Variants in PLPP1 observed in about 807,000 individuals in gnomAD.
PLPP1 encodes phospholipid phosphatase 1, also known as lipid phosphate phosphohydrolase 1a.
PLPP1 carries 24 observed loss-of-function variants against 31.2 expected under a neutral mutation model. The observed-to-expected ratio is 0.77, with a 90% CI of 0.56 to 1.08. The LOEUF (loss-of-function observed/expected upper bound fraction) is 1.08. PLPP1 is among the 50% of genes least tolerant of loss of function. PLPP1 has a pLI of 0.00. For missense variants in PLPP1, 319 were observed against 342.7 expected, an observed-to-expected ratio of 0.93 and a Z score of 0.55; for synonymous variants, 146 against 126.3, an observed-to-expected ratio of 1.16 and a Z score of -1.05.
At chr5:55,465,809 A>G (rs1432651314) in intron 3 of PLPP1, among the ~76,000 whole-genome samples, 5 of 152,030 alleles carry the variant, frequency 3.3e-5, no homozygotes, top group African/African-American at 1.2e-4. Context: ...TCCACTGAAC[A>G]CTCTGGAATT....
At chr5:55,453,021 A>C (rs1751925883) in intron 3 of PLPP1, among the ~76,000 whole-genome samples, 1 of 47,776 alleles carries the variant, frequency 2.1e-5, no homozygotes, top group East Asian at 3.9e-4. Flanking sequence ...GTAGGTATTC[A>C]ATGTGGTTTT....
chr5:55,529,893 T>TA (rs760172450), intron 1 of PLPP1, among the ~76,000 whole-genome samples: 4 of 152,210 alleles, frequency 2.6e-5, no homozygotes, highest in Non-Finnish European at 5.9e-5. Context: ...TACAAAAAGA[T>TA]AAAGTACAAC....
At chr5:55,476,943 T>G (rs1422084565) in intron 1 of PLPP1, among the ~76,000 whole-genome samples, 1 of 152,198 alleles carries the variant, frequency 6.6e-6, no homozygotes, top group African/African-American at 2.4e-5. Context: ...TTCTCTGTAT[T>G]AGTCAATTTG....
chr5:55,456,954 G>A (rs1273922157), intron 3 of PLPP1, among the ~76,000 whole-genome samples: 1 of 152,114 alleles, frequency 6.6e-6, no homozygotes, highest in African/African-American at 2.4e-5. Flanking sequence ...GAGGTCAGGA[G>A]TTTGAGACCA....
intron 1 of PLPP1, among the ~76,000 whole-genome samples, chr5:55,501,419 A>C (rs1306020859): frequency 6.6e-6 from 1 of 152,254 alleles, no homozygotes; most frequent in Non-Finnish European, 1.5e-5. Context: ...CCCTACAGCA[A>C]AATAATTACT....
intron 1 of PLPP1, among the ~76,000 whole-genome samples, chr5:55,505,471 G>A (rs1753254138): frequency 6.6e-6 from 1 of 151,312 alleles, no homozygotes; most frequent in Admixed American, 6.6e-5. Flanking sequence ...AATAGCAGAG[G>A]TTTATTTCTT....
chr5:55,484,825 T>C (rs956335145), intron 1 of PLPP1: 1 of 152,182 alleles, frequency 6.6e-6, no homozygotes, highest in African/African-American at 2.4e-5. Context: ...GAACTAGAGA[T>C]CAAGTTCAAT....
intron 1 of PLPP1, among the ~76,000 whole-genome samples, chr5:55,479,386 C>T (rs900519849): frequency 1.3e-5 from 2 of 152,160 alleles, no homozygotes; most frequent in Non-Finnish European, 2.9e-5. Flanking sequence ...ACTATCTAAA[C>T]CTAAATACAG....
intron 1 of PLPP1, among the ~76,000 whole-genome samples, chr5:55,507,423 A>G (rs1753303486): frequency 1.3e-5 from 2 of 152,204 alleles, no homozygotes; most frequent in Non-Finnish European, 2.9e-5. Context: ...TAATCTTGGA[A>G]AGAAAAGAGA....
intron 3 of PLPP1, among the ~76,000 whole-genome samples, chr5:55,464,147 T>C (rs1752231647): frequency 6.6e-6 from 1 of 151,704 alleles, no homozygotes; most frequent in African/African-American, 2.4e-5. Flanking sequence ...ACATGCTATA[T>C]ATAGTCCAGC....
intron 1 of PLPP1, among the ~76,000 whole-genome samples, chr5:55,515,925 A>G (rs1225778051): frequency 6.6e-6 from 1 of 152,070 alleles, no homozygotes; most frequent in African/African-American, 2.4e-5. Context: ...CCATTATCCA[A>G]ACAAGAACTT....
chr5:55,499,005 AG>A (rs1753062443), intron 1 of PLPP1, among the ~76,000 whole-genome samples: 1 of 152,240 alleles, frequency 6.6e-6, no homozygotes, highest in African/African-American at 2.4e-5. Flanking sequence ...CAATGAGAAA[AG>A]AAGTTGAGGC....
intron 1 of PLPP1, among the ~76,000 whole-genome samples, chr5:55,504,263 G>A (rs557625986): frequency 2.6e-5 from 4 of 151,696 alleles, no homozygotes; most frequent in Non-Finnish European, 5.9e-5. Context: ...CAGCAACTTA[G>A]GCTGAGGCAG....
At chr5:55,432,126 T>C (rs1490356140) in intron 4 of PLPP1, among the ~76,000 whole-genome samples, 3 of 145,698 alleles carry the variant, frequency 2.1e-5, no homozygotes, top group Admixed American at 1.4e-4. Flanking sequence ...TTTTTTTTGG[T>C]AGAGACAGGG....
chr5:55,520,575 C>A (rs1259818927), intron 1 of PLPP1, among the ~76,000 whole-genome samples: 1 of 152,220 alleles, frequency 6.6e-6, no homozygotes, highest in African/African-American at 2.4e-5. Context: ...CTATTAGCAT[C>A]ATCTCTTTCC....
chr5:55,427,061 A>T (rs1316123766), intron 4 of PLPP1, among the ~76,000 whole-genome samples: 1 of 145,806 alleles, frequency 6.9e-6, no homozygotes, highest in Non-Finnish European at 1.5e-5. Flanking sequence ...TGTAGAAATG[A>T]TTCTTTTTAG....
chr5:55,525,100 C>G (rs1282636192), intron 1 of PLPP1, among the ~76,000 whole-genome samples: 1 of 152,188 alleles, frequency 6.6e-6, no homozygotes, highest in Non-Finnish European at 1.5e-5. Flanking sequence ...GTTTCAAAAG[C>G]ATTCCATGAG....
chr5:55,520,749 A>ATATTAGAGTGTT (rs1336351013), intron 1 of PLPP1, among the ~76,000 whole-genome samples: 1 of 152,216 alleles, frequency 6.6e-6, no homozygotes, highest in Non-Finnish European at 1.5e-5. Flanking sequence ...CTAAGCACCA[A>ATATTAGAGTGTT]TATTAGAGTG....
chr5:55,534,756 G>A lies in PLPP1; in HGVS notation c.-127C>T, dbSNP rs1021375178. ...GAGCTACGGCCCCTCCCAGCCGGAGGAGGAGAGCAGCCGAGGGCGGGCTGA... is the reference window on the plus strand; with the variant it reads ...GAGCTACGGCCCCTCCCAGCCGGAGAAGGAGAGCAGCCGAGGGCGGGCTGA... On this transcript the variant is annotated 5_prime_UTR_variant, in exon 1 of 6. Transcript: ENST00000307259. 6.3e-5 allele frequency: 64 copies of A among 1,017,816 alleles called. No homozygotes were observed. The highest frequency in any genetic ancestry group is 6.1e-5 in the Admixed American group (2 of 32,588). 63.0% of individuals were successfully genotyped at this position (1,017,816 alleles called of 1,614,324 possible). A position where few individuals can be genotyped will look rare whatever the true frequency, so the allele number is the denominator to read the frequency against.
Sources: allele counts gnomAD v4.1 joint callset (sites outside exome capture counted in the v4.1 genomes callset), GRCh38; gene constraint gnomAD v4.1.1; transcripts MANE v1.5; gene names NCBI Gene and HGNC (gene_info 2026-07-23, HGNC 2026-07-21).